CACNA1C: variants seen among roughly 807,000 people sequenced by gnomAD.
The protein encoded by CACNA1C is calcium voltage-gated channel subunit alpha1 C.
CACNA1C carries 30 observed loss-of-function variants against 229.0 expected under a neutral mutation model. The ratio of observed to expected loss-of-function variants is 0.13; its 90% CI spans 0.10 to 0.18. CACNA1C has a LOEUF of 0.18. Ranked by LOEUF, CACNA1C falls within the 10% of genes least tolerant of loss-of-function variation. CACNA1C has a pLI of 1.00. For missense variants in CACNA1C, 1,658 were observed against 2,845.0 expected, an observed-to-expected ratio of 0.58 and a Z score of 9.49; for synonymous variants, 1,114 against 1,132.5, an observed-to-expected ratio of 0.98 and a Z score of 0.33.
chr12:2,064,562 A>G (rs2058672168), intron 1 of CACNA1C, among the ~76,000 whole-genome samples: 1 of 152,156 alleles, frequency 6.6e-6, no homozygotes. Context: ...CAGGGCTCTC[A>G]CCTGCTCCTC....
At chr12:2,329,688 C>T (rs535906109) in intron 3 of CACNA1C, among the ~76,000 whole-genome samples, 22 of 152,198 alleles carry the variant, frequency 1.4e-4, no homozygotes, top group African/African-American at 5.1e-4. Context: ...ATTATGGGGA[C>T]ATGGTGAAGA....
chr12:2,135,831 C>G (rs1372944226), intron 3 of CACNA1C, among the ~76,000 whole-genome samples: 1 of 146,928 alleles, frequency 6.8e-6, no homozygotes, highest in East Asian at 2.0e-4. Context: ...GTGGTAGGCT[C>G]CACCCAGTTC....
intron 3 of CACNA1C, among the ~76,000 whole-genome samples, chr12:2,200,636 G>C (rs2097555386): frequency 6.6e-6 from 1 of 152,218 alleles, no homozygotes; most frequent in Non-Finnish European, 1.5e-5. Flanking sequence ...TGCAGGAACC[G>C]GGATAGATAC....
At chr12:2,599,317 G>GT (rs1294947243) in intron 21 of CACNA1C, among the ~76,000 whole-genome samples, 19 of 152,274 alleles carry the variant, frequency 1.2e-4, no homozygotes, top group Non-Finnish European at 2.6e-4. Context: ...CTAAGGCCCG[G>GT]TGTCATGTCA....
chr12:2,620,086 A>G (rs561150521), intron 29 of CACNA1C, among the ~76,000 whole-genome samples: 61 of 152,336 alleles, frequency 4.0e-4, no homozygotes, highest in Non-Finnish European at 6.8e-4. Flanking sequence ...AGAACCAGAC[A>G]TGAAGCTGGA....
At chr12:2,245,992 C>T (rs1365142785) in intron 3 of CACNA1C, among the ~76,000 whole-genome samples, 1 of 152,164 alleles carries the variant, frequency 6.6e-6, no homozygotes, top group African/African-American at 2.4e-5. Flanking sequence ...CATGTTGTTG[C>T]TTAGTTGGAG....
At chr12:2,359,239 G>T (rs556984197) in intron 3 of CACNA1C, among the ~76,000 whole-genome samples, 6 of 152,232 alleles carry the variant, frequency 3.9e-5, no homozygotes, top group African/African-American at 1.4e-4. Flanking sequence ...TCGGTCCTTC[G>T]GGTAGTCTCA....
At chr12:2,522,841 G>A (rs1460286250) in intron 9 of CACNA1C, among the ~76,000 whole-genome samples, 2 of 152,248 alleles carry the variant, frequency 1.3e-5, no homozygotes, top group Non-Finnish European at 2.9e-5. Context: ...ATCTCACATG[G>A]GTATTGTTTG....
At chr12:2,477,891 G>A (rs1422025884) in intron 5 of CACNA1C, among the ~76,000 whole-genome samples, 2 of 152,002 alleles carry the variant, frequency 1.3e-5, no homozygotes, top group African/African-American at 4.8e-5. Context: ...TAATTTGAGT[G>A]TGAGGAGATG....
chr12:2,110,238 C>T (rs1270536088), intron 1 of CACNA1C, among the ~76,000 whole-genome samples: 1 of 152,208 alleles, frequency 6.6e-6, no homozygotes, highest in Non-Finnish European at 1.5e-5. Context: ...TCCTGGTCCC[C>T]AGCAGCAGCA....
chr12:2,680,564 C>T (rs948187378), intron 42 of CACNA1C: 5 of 1,564,644 alleles, frequency 3.2e-6, no homozygotes, highest in Admixed American at 1.9e-5. Flanking sequence ...GCACAGCCCC[C>T]CAGCATGCCA....
At chr12:2,426,528 C>A (rs2099033917) in intron 3 of CACNA1C, among the ~76,000 whole-genome samples, 1 of 151,968 alleles carries the variant, frequency 6.6e-6, no homozygotes, top group Admixed American at 6.5e-5. Flanking sequence ...GTTTAGGATG[C>A]CCATGAAAAT....
chr12:2,436,304 G>A (rs1313768028), intron 3 of CACNA1C, among the ~76,000 whole-genome samples: 2 of 152,206 alleles, frequency 1.3e-5, no homozygotes, highest in Non-Finnish European at 1.5e-5. Flanking sequence ...GCCACCACTA[G>A]GCGGGGAAAT....
intron 1 of CACNA1C, among the ~76,000 whole-genome samples, chr12:2,061,466 T>A (rs1238791953): frequency 2.0e-5 from 3 of 152,214 alleles, no homozygotes; most frequent in African/African-American, 7.2e-5. Flanking sequence ...TTGGTTGAGA[T>A]GGGCCTGGTA....
At chr12:2,212,481 A>G (rs1441320345) in intron 3 of CACNA1C, among the ~76,000 whole-genome samples, 2 of 152,254 alleles carry the variant, frequency 1.3e-5, no homozygotes, top group Admixed American at 1.3e-4. Context: ...CTGGATTTCA[A>G]CTAATCTGAT....
intron 9 of CACNA1C, among the ~76,000 whole-genome samples, chr12:2,543,162 A>C (rs928349445): frequency 6.6e-6 from 1 of 152,216 alleles, no homozygotes; most frequent in African/African-American, 2.4e-5. Flanking sequence ...GAGGTTAGAA[A>C]ATCGGAAAAC....
In CACNA1C at chr12:2,679,532, C is replaced by T. The variant is rs2153803252; in HGVS notation, c.5180C>T (p.Pro1727Leu). The T allele has an allele frequency of 8.1e-6, 13 of 1,612,912 alleles. No individual in the cohort carries two copies. Among genetic ancestry groups the T allele is most frequent in the South Asian group, 1.1e-5 (1 of 90,930 alleles). ...AFPQTFTTQR[P>L]LHINKAGSSQ... ...CCCCAGACCTTCACCACTCAGCGCC[C>T]GCTGCACATCAACAAGGCGGGCAGC... The change falls in exon 42 of 47, where the codon CCG becomes CTG. Residue 1727 changes from proline to leucine, a missense_variant. This residue lies in a region of CACNA1C where 590 missense variants were observed against 700.8 expected (regional missense o/e 0.84). Coordinates refer to ENST00000399655, the MANE Select transcript of CACNA1C (RefSeq NM_000719.7). This position sits in a 1 kb window ranked among gnomAD's most constrained non-coding sequence, Gnocchi z 5.5.
At chr12:2,432,774 A>G (rs776544935) in intron 3 of CACNA1C, among the ~76,000 whole-genome samples, 3 of 152,172 alleles carry the variant, frequency 2.0e-5, no homozygotes, top group Non-Finnish European at 4.4e-5. Flanking sequence ...TCTTTGTGCT[A>G]TACTGTCTTC....
chr12:2,651,487 G>T lies in CACNA1C; in HGVS notation c.3946-153G>T. ...GGCTGTCCACTCATTAAAGTGGGCG[G>T]CCGCCCTCCCATCGGAGGGGGAAGT... is the stretch of plus-strand genomic sequence containing the variant. On this transcript the variant is annotated intron_variant, in intron 31 of 46. Transcript: ENST00000399655. The surrounding 1 kb of genome is among the most constrained non-coding windows in gnomAD (Gnocchi z 5.4). 4 of 1,111,258 alleles carry T rather than the reference G, an allele frequency of 3.6e-6. No individual in the cohort carries two copies. Among genetic ancestry groups the T allele is most frequent in the Non-Finnish European group, 5.3e-6 (4 of 749,298 alleles). The allele number at this position is 1,111,258 out of a possible 1,614,324, so 68.8% of individuals were successfully genotyped here.
Sources: gnomAD v4.1 joint callset for allele counts (sites outside exome capture counted in the v4.1 genomes callset) on GRCh38, gnomAD v4.1.1 for gene constraint, gnomAD v4.1.1 regional missense constraint, Gnocchi (gnomAD v3.1) non-coding constraint, MANE v1.5 for transcripts, NCBI Gene and HGNC (gene_info 2026-07-23, HGNC 2026-07-21) for gene names.